Variants in MAP3K21 observed in about 807,000 individuals in gnomAD.
MAP3K21 encodes mitogen-activated protein kinase kinase kinase 21.
A neutral mutation model predicts 86.1 loss-of-function variants in MAP3K21; 63 were observed. The observed-to-expected ratio is 0.73, with a 90% CI of 0.60 to 0.90. The LOEUF (loss-of-function observed/expected upper bound fraction) is 0.90. Among genes scored for constraint, MAP3K21 ranks in the 40% least tolerant of loss-of-function variants. MAP3K21 has a pLI of 0.00. For missense variants in MAP3K21, 1,220 were observed against 1,367.7 expected (o/e 0.89, Z 1.70); for synonymous variants, 558 against 564.8 (o/e 0.99, Z 0.17).
At chr1:233,353,710 G>A in intron 2 of MAP3K21, 97 bp from the exon 3 acceptor site, 1 of 1,168,898 alleles carries the variant, frequency 8.6e-7, no homozygotes, top group Non-Finnish European at 1.1e-6. Flanking sequence ...GTCCTATTAG[G>A]AATGGATGAA....
At chr1:233,358,602 T>C (rs1663410267) in intron 4 of MAP3K21, among the ~76,000 whole-genome samples, 1 of 151,800 alleles carries the variant, frequency 6.6e-6, no homozygotes, top group African/African-American at 2.4e-5. Context: ...CTTCAAATCA[T>C]AGAATCTAAA....
chr1:233,334,997 T>G lies in MAP3K21; in HGVS notation c.805+6164T>G, dbSNP rs1350702350. Among the ~76,000 whole-genome samples, 8 of 150,024 alleles carry G rather than the reference T, an allele frequency of 5.3e-5. No homozygotes were observed. The Admixed American group carries it at 5.3e-4, about 10-fold the overall frequency. On this transcript the variant is annotated intron_variant, in intron 1 of 9. Transcript: ENST00000366624. ...TTTTATTATACTTTAAGTTCTAGGGTACATGTGCACAATGTGCAGGTTTGT... is the reference window on the plus strand; with the variant it reads ...TTTTATTATACTTTAAGTTCTAGGGGACATGTGCACAATGTGCAGGTTTGT...
intron 5 of MAP3K21, among the ~76,000 whole-genome samples, chr1:233,363,181 T>C (rs1157314759): frequency 2.6e-5 from 4 of 151,998 alleles, no homozygotes; most frequent in Admixed American, 2.6e-4. Flanking sequence ...TGCCTATGTG[T>C]TATATGTATT....
intron 1 of MAP3K21, among the ~76,000 whole-genome samples, chr1:233,330,467 C>A (rs1374923889): frequency 6.6e-6 from 1 of 152,184 alleles, no homozygotes; most frequent in African/African-American, 2.4e-5. Context: ...AAAGAAACGT[C>A]TGACCAGGTG....
intron 4 of MAP3K21, among the ~76,000 whole-genome samples, chr1:233,356,928 C>T (rs2102755683): frequency 6.6e-6 from 1 of 152,254 alleles, no homozygotes; most frequent in Non-Finnish European, 1.5e-5. Flanking sequence ...AGACCAAAGC[C>T]CTTCTAATAT....
In MAP3K21 at chr1:233,353,919, T is replaced by A. The variant is rs556855390; in HGVS notation, c.1099T>A (p.Ser367Thr). The change falls in exon 3 of 10, where the codon TCC becomes ACC. Residue 367 changes from serine (S) to threonine (T), a missense_variant. Ser to Thr is a moderately conservative substitution (Grantham distance 58). Around this residue, in one of 5 missense-constraint regions of MAP3K21, gnomAD observed 126 missense variants for 127.7 expected, o/e 0.99. Coordinates refer to ENST00000366624, the MANE Select transcript of MAP3K21 (RefSeq NM_032435.3). ...AVNKLTLPIPSTCPEPFAKLM... is the reference protein window; with the variant it reads ...AVNKLTLPIPTTCPEPFAKLM... The stretch of plus-strand genomic sequence containing the variant: ...CAATAAACTCACTTTGCCCATTCCA[T>A]CCACCTGCCCTGAGCCGTTTGCCAA... 1.2e-6 allele frequency: 2 copies of A among 1,612,504 alleles called. No homozygotes were observed. The highest frequency in any genetic ancestry group is 1.3e-5 in the African/African-American group (1 of 74,982).
chr1:233,369,023 T>C (rs116423833), intron 5 of MAP3K21, among the ~76,000 whole-genome samples: 15 of 152,048 alleles, frequency 9.9e-5, no homozygotes, highest in Admixed American at 5.9e-4. Flanking sequence ...TTACCTTATA[T>C]TGAGGGAGGG....
chr1:233,354,585 A>G (rs1434806833), intron 3 of MAP3K21, among the ~76,000 whole-genome samples: 2 of 152,178 alleles, frequency 1.3e-5, no homozygotes, highest in South Asian at 2.1e-4. Context: ...TAAATGCGGT[A>G]TAATATAGAC....
intron 6 of MAP3K21, chr1:233,373,818 T>A (rs1663733671): frequency 6.6e-6 from 1 of 152,162 alleles, no homozygotes; most frequent in Admixed American, 6.5e-5. Flanking sequence ...CACATCTGAG[T>A]GTAGATTTCA....
At chr1:233,364,609 G>T (rs1663534795) in intron 5 of MAP3K21, among the ~76,000 whole-genome samples, 1 of 152,090 alleles carries the variant, frequency 6.6e-6, no homozygotes, top group African/African-American at 2.4e-5. Flanking sequence ...CTTCTCAAAT[G>T]TTCCTTGGCT....
In MAP3K21 at chr1:233,382,315, T is replaced by A; in HGVS notation, c.2715T>A (p.Thr905=). ...GGCTTTCTCAACCAGCTGGTGCAAC[T>A]ATTATCTCAGCCACTGGAGCCTCTG... is the stretch of plus-strand genomic sequence containing the variant. ...SDGNPTPTGA[T]IISATGASAL... Residue 905 remains threonine (T), a synonymous_variant, in exon 10 of 10, where the codon ACT becomes ACA. Transcript: ENST00000366624. 6.2e-7 allele frequency: 1 copy of A among 1,611,604 alleles called. No homozygotes were observed. The highest frequency in any genetic ancestry group is 8.5e-7 in the Non-Finnish European group (1 of 1,178,012).
At chr1:233,340,551 A>G (rs1388270524) in intron 1 of MAP3K21, among the ~76,000 whole-genome samples, 1 of 149,336 alleles carries the variant, frequency 6.7e-6, no homozygotes, top group African/African-American at 2.5e-5. Context: ...TTTACTCCCT[A>G]GGCTGGATAG....
intron 5 of MAP3K21, among the ~76,000 whole-genome samples, chr1:233,370,766 G>A (rs1469570934): frequency 6.6e-6 from 1 of 152,176 alleles, no homozygotes; most frequent in Non-Finnish European, 1.5e-5. Context: ...AGGAATGCAG[G>A]ATTAGATTGC....
chr1:233,366,969 G>T (rs978182062), intron 5 of MAP3K21, among the ~76,000 whole-genome samples: 1 of 152,132 alleles, frequency 6.6e-6, no homozygotes, highest in Non-Finnish European at 1.5e-5. Context: ...TGATTATGTA[G>T]TATTTTTCTT....
At chr1:233,366,208 G>A in intron 5 of MAP3K21, among the ~76,000 whole-genome samples, 1 of 152,054 alleles carries the variant, frequency 6.6e-6, no homozygotes, top group South Asian at 2.1e-4. Flanking sequence ...GGGGAGGGGA[G>A]GTTGCAGAGA....
intron 5 of MAP3K21, among the ~76,000 whole-genome samples, chr1:233,363,406 C>G (rs972737026): frequency 2.6e-5 from 4 of 152,126 alleles, no homozygotes; most frequent in Non-Finnish European, 4.4e-5. Context: ...CAAAAAATTG[C>G]TAGTATGACA....
chr1:233,376,487 G>A lies in MAP3K21; in HGVS notation c.1884G>A (p.Gln628=). 6.2e-7 allele frequency: 1 copy of A among 1,613,798 alleles called. No homozygotes were observed. The highest frequency in any genetic ancestry group is 8.5e-7 in the Non-Finnish European group (1 of 1,179,858). Residue 628 remains glutamine, a synonymous_variant, in exon 8 of 10, where the codon CAG becomes CAA. Transcript: ENST00000366624. ...GGTCAACTATCTTAATAAAAAATCA[G>A]AAAACCATGCCCTTGGCTTCATTGT... The part of the protein sequence containing the change: ...SPWSTILIKN[Q]KTMPLASLFV...
intron 6 of MAP3K21, chr1:233,373,137 T>C (rs976280557): frequency 1.3e-5 from 2 of 152,206 alleles, no homozygotes; most frequent in Non-Finnish European, 2.9e-5. Flanking sequence ...CTTAAAGGAC[T>C]GTCATTTATT....
In MAP3K21 at chr1:233,379,433, A is replaced by C; in HGVS notation, c.2427A>C (p.Thr809=). The C allele has an allele frequency of 1.2e-6, 2 of 1,614,174 alleles. No individual in the cohort carries two copies. Among genetic ancestry groups the C allele is most frequent in the South Asian group, 2.2e-5 (2 of 91,076 alleles). Residue 809 remains threonine (T), a synonymous_variant, in exon 9 of 10, where the codon ACA becomes ACC. Transcript: ENST00000366624. ...LGILSTPSFS[T]KCLLQMDSED... ...TCCTCTCCACACCTTCTTTCTCCAC[A>C]AAGTGCCTGCTGCAGATGGACAGTG...
Sources: gnomAD v4.1 joint callset for allele counts (sites outside exome capture counted in the v4.1 genomes callset) on GRCh38, gnomAD v4.1.1 for gene constraint, gnomAD v4.1.1 regional missense constraint, MANE v1.5 for transcripts, NCBI Gene and HGNC (gene_info 2026-07-23, HGNC 2026-07-21) for gene names.